UNC13C: variants seen among roughly 807,000 people sequenced by gnomAD.
UNC13C encodes unc-13 homolog C, also known as protein unc-13 homolog C.
A neutral mutation model predicts 245.4 loss-of-function variants in UNC13C; 174 were observed. The observed-to-expected ratio is 0.71, with a 90% CI of 0.63 to 0.80. The LOEUF (loss-of-function observed/expected upper bound fraction) is 0.80. Among genes scored for constraint, UNC13C ranks in the 30% least tolerant of loss-of-function variants. UNC13C has a pLI of 0.00. For missense variants in UNC13C, 2,829 were observed against 2,602.9 expected (o/e 1.09, Z -1.89); for synonymous variants, 992 against 895.1 (o/e 1.11, Z -1.93).
intron 30 of UNC13C, among the ~76,000 whole-genome samples, chr15:54,584,843 A>T (rs1333415349): frequency 6.6e-6 from 1 of 152,230 alleles, no homozygotes; most frequent in Non-Finnish European, 1.5e-5. Context: ...GGTGAGACTT[A>T]TATAGAGAGT....
At chr15:54,351,252 T>G (rs143466558) in intron 17 of UNC13C, among the ~76,000 whole-genome samples, 2 of 152,184 alleles carry the variant, frequency 1.3e-5, no homozygotes, top group African/African-American at 2.4e-5. Context: ...TCCAGTGAAG[T>G]GCGCAGGAAT....
intron 4 of UNC13C, among the ~76,000 whole-genome samples, chr15:54,211,441 A>G (rs1268101516): frequency 6.6e-6 from 1 of 152,106 alleles, no homozygotes; most frequent in African/African-American, 2.4e-5. Flanking sequence ...TTATTCAAGT[A>G]GGAAAAAAAA....
intron 19 of UNC13C, among the ~76,000 whole-genome samples, chr15:54,419,594 T>A (rs750295990): frequency 6.6e-6 from 1 of 152,124 alleles, no homozygotes; most frequent in Admixed American, 6.6e-5. Context: ...GGTCACTATA[T>A]AAATAGAACA....
intron 13 of UNC13C, among the ~76,000 whole-genome samples, chr15:54,320,576 T>C (rs939132714): frequency 6.6e-6 from 1 of 151,966 alleles, no homozygotes; most frequent in Non-Finnish European, 1.5e-5. Context: ...CCCATACACA[T>C]GAGTATTGTC....
rs1269348617 is a variant in UNC13C at position 54,511,792 on chromosome 15, C to T, written c.5419C>T (p.Gln1807Ter). ...GAACAATATTCAACAATTGCGGGTC[C>T]AGCTGGAAAAAATGTTTGAATCCAT... ...LMNNIQQLRV[Q>*]LEKMFESMGG... The change falls in exon 24 of 33, where the codon CAG (glutamine) becomes TAG (stop). Residue 1807 changes from glutamine (Q) to a stop codon, truncating the protein, a stop_gained. Coordinates refer to ENST00000260323, the MANE Select transcript of UNC13C (RefSeq NM_001080534.3). LOFTEE classifies it high-confidence loss of function. 6.2e-7 allele frequency: 1 copy of T among 1,609,778 alleles called. No individual in the cohort carries two copies. Among genetic ancestry groups the T allele is most frequent in the Non-Finnish European group, 8.5e-7 (1 of 1,178,162 alleles).
intron 2 of UNC13C, among the ~76,000 whole-genome samples, chr15:54,016,608 A>G (rs1363236868): frequency 1.3e-5 from 2 of 152,328 alleles, no homozygotes; most frequent in East Asian, 3.9e-4. Context: ...TACCTTAACT[A>G]ACTATTTTAA....
At chr15:54,333,485 T>C (rs1392929003) in intron 15 of UNC13C, among the ~76,000 whole-genome samples, 1 of 152,076 alleles carries the variant, frequency 6.6e-6, no homozygotes, top group Non-Finnish European at 1.5e-5. Context: ...AAGCAAGCAT[T>C]AATAACATCA....
At chr15:54,592,164 G>T (rs1030719168) in intron 30 of UNC13C, among the ~76,000 whole-genome samples, 2 of 152,130 alleles carry the variant, frequency 1.3e-5, no homozygotes, top group African/African-American at 4.8e-5. Flanking sequence ...GAGAGTGCTT[G>T]ATATAATTTC....
intron 29 of UNC13C, among the ~76,000 whole-genome samples, chr15:54,556,065 A>G (rs1441177819): frequency 6.6e-6 from 1 of 152,214 alleles, no homozygotes; most frequent in South Asian, 2.1e-4. Flanking sequence ...ATTGTAGTGT[A>G]TGCTAAATAT....
intron 18 of UNC13C, among the ~76,000 whole-genome samples, chr15:54,400,665 T>C (rs1471216961): frequency 6.6e-6 from 1 of 152,202 alleles, no homozygotes; most frequent in Non-Finnish European, 1.5e-5. Context: ...TGAAAATTTC[T>C]TCATCAACCT....
At chr15:53,915,586 G>A in the UNC13C span, among the ~76,000 whole-genome samples, 2 of 152,004 alleles carry the variant, frequency 1.3e-5, no homozygotes, top group Non-Finnish European at 2.9e-5. Flanking sequence ...AACACAAATG[G>A]CAAATAGGCA....
chr15:54,164,116 A>G (rs2033075992), intron 4 of UNC13C, among the ~76,000 whole-genome samples: 1 of 152,200 alleles, frequency 6.6e-6, no homozygotes, highest in Non-Finnish European at 1.5e-5. Flanking sequence ...GTATATTAAA[A>G]CAGCTTGTTG....
intron 19 of UNC13C, among the ~76,000 whole-genome samples, chr15:54,418,323 T>C (rs1200800737): frequency 6.6e-6 from 1 of 152,112 alleles, no homozygotes; most frequent in Admixed American, 6.6e-5. Context: ...AAATCAGCTG[T>C]CAGACTGTCT....
chr15:54,297,385 C>G (rs535067657), intron 11 of UNC13C, among the ~76,000 whole-genome samples: 1 of 152,168 alleles, frequency 6.6e-6, no homozygotes, highest in South Asian at 2.1e-4. Context: ...CAGGGTCTCA[C>G]TCTGTTAGAC....
At chr15:54,239,302 C>A (rs1415263949) in intron 7 of UNC13C, among the ~76,000 whole-genome samples, 1 of 152,142 alleles carries the variant, frequency 6.6e-6, no homozygotes, top group East Asian at 1.9e-4. Context: ...CAGCAAGCTC[C>A]CCTACCCAGT....
At chr15:54,362,490 T>G (rs2039256867) in intron 17 of UNC13C, among the ~76,000 whole-genome samples, 1 of 152,252 alleles carries the variant, frequency 6.6e-6, no homozygotes, top group Admixed American at 6.5e-5. Context: ...CTTTGAATAC[T>G]TTCTAATTAT....
At chr15:54,128,006 A>G (rs971039234) in intron 2 of UNC13C, among the ~76,000 whole-genome samples, 1 of 151,946 alleles carries the variant, frequency 6.6e-6, no homozygotes, top group African/African-American at 2.4e-5. Flanking sequence ...ACGATTCTAT[A>G]CCTAGGATAT....
intron 30 of UNC13C, among the ~76,000 whole-genome samples, chr15:54,621,992 G>C (rs1209417064): frequency 6.6e-6 from 1 of 152,104 alleles, no homozygotes; most frequent in Non-Finnish European, 1.5e-5. Context: ...GTAATAAAAA[G>C]CAATGGTGCA....
the UNC13C span, among the ~76,000 whole-genome samples, chr15:53,851,184 T>C: frequency 6.6e-6 from 1 of 152,204 alleles, no homozygotes; most frequent in Non-Finnish European, 1.5e-5. Context: ...TTAATTGCCT[T>C]TTTTCTGGTT....
Sources: gnomAD v4.1 joint callset for allele counts (sites outside exome capture counted in the v4.1 genomes callset) on GRCh38, gnomAD v4.1.1 for gene constraint, MANE v1.5 for transcripts, NCBI Gene and HGNC (gene_info 2026-07-23, HGNC 2026-07-21) for gene names.